The following CLEC2A variants were observed in gnomAD, a reference collection of about 807,000 sequenced individuals.
The protein encoded by CLEC2A is C-type lectin domain family 2 member A, also known as keratinocyte-associated C-type lectin.
CLEC2A carries 19 observed loss-of-function variants against 18.6 expected under a neutral mutation model. The observed-to-expected ratio is 1.02, with a 90% CI of 0.71 to 1.50. The LOEUF is 1.50. CLEC2A is among the 40% of genes most tolerant of loss of function. The pLI is 0.00. For synonymous variants in CLEC2A, 74 were observed against 64.0 expected, an observed-to-expected ratio of 1.16 and a Z score of -0.75; for missense variants, 190 against 207.9, an observed-to-expected ratio of 0.91 and a Z score of 0.53.
downstream of CLEC2A, among the ~76,000 whole-genome samples, chr12:9,909,500 C>T (rs1193493239): frequency 2.0e-5 from 3 of 152,132 alleles, no homozygotes; most frequent in Non-Finnish European, 4.4e-5. Flanking sequence ...AATTGATCAC[C>T]GACCTGATCT....
chr12:9,896,481 T>A (rs1039856336), downstream of CLEC2A, among the ~76,000 whole-genome samples: 1 of 151,802 alleles, frequency 6.6e-6, no homozygotes, highest in Non-Finnish European at 1.5e-5. Context: ...AATCCGTGCA[T>A]GTAAATTAAG....
the CLEC2A span, chr12:9,893,410 T>C: frequency 8.8e-7 from 1 of 1,130,256 alleles, no homozygotes; most frequent in Non-Finnish European, 1.3e-6. Context: ...AATGAATAAA[T>C]GCACTATTTC....
At chr12:9,918,164 A>C (rs1241568218) in intron 3 of CLEC2A, among the ~76,000 whole-genome samples, 1 of 151,886 alleles carries the variant, frequency 6.6e-6, no homozygotes, top group African/African-American at 2.4e-5. Context: ...CTTTGTCATG[A>C]AATTTGCCTG....
At chr12:9,930,658 T>C (rs934304228) in intron 1 of CLEC2A, among the ~76,000 whole-genome samples, 1 of 152,084 alleles carries the variant, frequency 6.6e-6, no homozygotes, top group African/African-American at 2.4e-5. Flanking sequence ...TTTTGAAGTT[T>C]CAGTTTGAGG....
At chr12:9,911,041 G>A (rs891682419), downstream of CLEC2A, among the ~76,000 whole-genome samples, 1 of 152,070 alleles carries the variant, frequency 6.6e-6, no homozygotes, top group East Asian at 1.9e-4. Flanking sequence ...AACAAAGGAG[G>A]GTAAGAGTTT....
At chr12:9,910,081 T>C (rs1862961966), downstream of CLEC2A, among the ~76,000 whole-genome samples, 1 of 152,218 alleles carries the variant, frequency 6.6e-6, no homozygotes, top group Non-Finnish European at 1.5e-5. Flanking sequence ...CATTAATATG[T>C]TCCATTAAAA....
chr12:9,879,099 A>G, the CLEC2A span, among the ~76,000 whole-genome samples: 1 of 152,188 alleles, frequency 6.6e-6, no homozygotes, highest in African/African-American at 2.4e-5. Flanking sequence ...CAGAGTTTTC[A>G]TCCACAGAAA....
intron 3 of CLEC2A, among the ~76,000 whole-genome samples, chr12:9,920,742 A>G (rs1371170721): frequency 1.3e-5 from 2 of 151,776 alleles, no homozygotes; most frequent in Non-Finnish European, 2.9e-5. Flanking sequence ...AAACTAATCT[A>G]TTTTCTTACT....
chr12:9,911,667 C>T (rs113619377), downstream of CLEC2A, among the ~76,000 whole-genome samples: 229 of 152,184 alleles, frequency 1.5e-3, 1 homozygote, highest in African/African-American at 5.4e-3. Flanking sequence ...TTTTATCTTC[C>T]CCTTAAAAAA....
intron 3 of CLEC2A, among the ~76,000 whole-genome samples, chr12:9,919,904 A>G (rs562534449): frequency 5.9e-5 from 9 of 152,230 alleles, no homozygotes; most frequent in African/African-American, 2.2e-4. Context: ...GATCCTGCCC[A>G]GTGAGGAGGA....
the CLEC2A span, chr12:9,881,631 C>A: frequency 6.5e-7 from 1 of 1,535,572 alleles, no homozygotes; most frequent in Non-Finnish European, 8.7e-7. Flanking sequence ...CGCTGAGTTT[C>A]AAGAATCGTT....
the CLEC2A span, chr12:9,881,511 C>A: frequency 1.0e-6 from 1 of 1,001,826 alleles, no homozygotes; most frequent in Non-Finnish European, 1.5e-6. Flanking sequence ...GTACCTTGTG[C>A]CAAAGAGACA....
At chr12:9,910,047 C>T (rs1016043157), downstream of CLEC2A, among the ~76,000 whole-genome samples, 4 of 152,132 alleles carry the variant, frequency 2.6e-5, no homozygotes, top group Admixed American at 1.3e-4. Flanking sequence ...TACTCTATAT[C>T]CTCCAGAGAC....
At chr12:9,913,114 T>C (rs1833034973), downstream of CLEC2A, 1 of 173,748 alleles carries the variant, frequency 5.8e-6, no homozygotes, top group Admixed American at 6.5e-5. Flanking sequence ...TTGCATTTTT[T>C]TTTTCACGAA....
chr12:9,926,087 G>A (rs780008656), intron 2 of CLEC2A, among the ~76,000 whole-genome samples, 173 bp downstream of exon 2: 3 of 152,130 alleles, frequency 2.0e-5, no homozygotes, highest in Non-Finnish European at 2.9e-5. Flanking sequence ...AGAGTGTTTG[G>A]GGGAGAGGCA....
chr12:9,882,656 C>T, the CLEC2A span, among the ~76,000 whole-genome samples: 2 of 151,782 alleles, frequency 1.3e-5, no homozygotes, highest in Non-Finnish European at 2.9e-5. Flanking sequence ...TGGCGTGTGC[C>T]TGTAATCCCA....
intron 2 of CLEC2A, among the ~76,000 whole-genome samples, chr12:9,925,899 G>C (rs941954553): frequency 6.6e-6 from 1 of 152,144 alleles, no homozygotes; most frequent in African/African-American, 2.4e-5. Context: ...TTCGGGAATA[G>C]TCATTGTCTC....
At position 9,922,243 on chromosome 12, in the gene CLEC2A, A is replaced by G; in HGVS notation, c.140-11T>C. 1.3e-6 allele frequency: 2 copies of G among 1,510,078 alleles called. No individual in the cohort carries two copies. Among genetic ancestry groups the G allele is most frequent in the South Asian group, 1.3e-5 (1 of 74,972 alleles). The allele number at this position is 1,510,078 out of a possible 1,614,324, so 93.5% of individuals were successfully genotyped here. A position where few individuals can be genotyped will look rare whatever the true frequency, so the allele number is the denominator to read the frequency against. The stretch of plus-strand genomic sequence containing the variant: ...GCTTGGACCATGTGGCTGAAAAAAA[A>G]AGAAAGAAATGATCAGATAAAGCAT... On this transcript the variant is annotated splice_polypyrimidine_tract_variant and intron_variant, in intron 2 of 4. Transcript: ENST00000455827.
the CLEC2A span, among the ~76,000 whole-genome samples, chr12:9,881,192 C>G: frequency 2.4e-4 from 37 of 152,006 alleles, 1 homozygote; most frequent in Admixed American, 1.9e-3. Flanking sequence ...TTTTATTTAC[C>G]TAGACATTTG....
Sources: gnomAD v4.1 joint callset for allele counts (sites outside exome capture counted in the v4.1 genomes callset) on GRCh38, gnomAD v4.1.1 for gene constraint, MANE v1.5 for transcripts, NCBI Gene and HGNC (gene_info 2026-07-23, HGNC 2026-07-21) for gene names.